Variants in PRAM1 observed in about 807,000 individuals in gnomAD.
PRAM1 encodes the protein PML-RARA-regulated adapter molecule 1.
PRAM1 carries 41 observed loss-of-function variants against 55.3 expected under a neutral mutation model. That is an observed-to-expected ratio of 0.74 (90% CI 0.58 to 0.96). PRAM1 has a LOEUF of 0.96. PRAM1 is among the 40% of genes least tolerant of loss of function. The pLI is 0.00. For synonymous variants in PRAM1, 401 were observed against 387.1 expected (o/e 1.04, Z -0.42); for missense variants, 898 against 892.7 (o/e 1.01, Z -0.08).
chr19:8,501,905 G>A (rs1568319291), intron 1 of PRAM1, among the ~76,000 whole-genome samples: 1 of 152,184 alleles, frequency 6.6e-6, no homozygotes, highest in Admixed American at 6.5e-5. Context: ...CACAGAGGTA[G>A]GCAGATTCAC....
rs758689759 is a variant in PRAM1, at chr19:8,498,571, C to CGG, written c.1236_1237insCC (p.Ala413ProfsTer66). 26 of 1,611,946 alleles carry CGG rather than the reference C, an allele frequency of 1.6e-5. No homozygotes were observed. In the South Asian group the frequency reaches 2.9e-4, roughly 18 times the overall value. On this transcript the variant is annotated frameshift_variant, in exon 2 of 10. Coordinates refer to ENST00000423345, the MANE Select transcript of PRAM1 (RefSeq NM_032152.5). LOFTEE classifies it high-confidence loss of function. ...CCTGACCTCCAGCGGGGTGTCCCAGCCGCTCCAAACCCAGGGCTGAGCGGG... is the reference window on the plus strand; with the variant it reads ...CCTGACCTCCAGCGGGGTGTCCCAGCGGCGCTCCAAACCCAGGGCTGAGCGGG...
chr19:8,495,229 A>G (rs1971682347), intron 4 of PRAM1, among the ~76,000 whole-genome samples: 1 of 151,842 alleles, frequency 6.6e-6, no homozygotes, highest in African/African-American at 2.4e-5. Context: ...CTTCTCTAGT[A>G]GCTGGGACTA....
In PRAM1 at chr19:8,493,857, G is replaced by A. The variant is rs956457470; in HGVS notation, c.1577-2700C>T. ...CTGTTGCCCAGGCTGGAGTGCAGAGGTGCAATCTCGGCTCATTGCAGCCTC... is the reference window on the plus strand; with the variant it reads ...CTGTTGCCCAGGCTGGAGTGCAGAGATGCAATCTCGGCTCATTGCAGCCTC... On this transcript the variant is annotated intron_variant, in intron 4 of 9. Coordinates refer to ENST00000423345, the MANE Select transcript of PRAM1 (RefSeq NM_032152.5). This position sits in a 1 kb window ranked among gnomAD's most constrained non-coding sequence, Gnocchi z 4.1. 1.6e-4 allele frequency among the ~76,000 whole-genome samples: 24 copies of A among 152,064 alleles called. No homozygotes were observed. Among genetic ancestry groups the A allele is most frequent in the African/African-American group, 5.8e-4 (24 of 41,412 alleles).
chr19:8,490,567 CG>C lies in PRAM1; in HGVS notation c.1906+26del. 6.3e-7 allele frequency: 1 copy of C among 1,592,872 alleles called. No homozygotes were observed. The highest frequency in any genetic ancestry group is 8.5e-7 in the Non-Finnish European group (1 of 1,170,062). ...GCCCAGGGTGGCGGCGGGGACCTCCCGGGGCTGCGGGGCCGGGCGCACTCAC... is the reference window on the plus strand; with the variant it reads ...GCCCAGGGTGGCGGCGGGGACCTCCCGGGCTGCGGGGCCGGGCGCACTCAC... On this transcript the variant is annotated intron_variant, in intron 7 of 9. Coordinates refer to ENST00000423345, the MANE Select transcript of PRAM1 (RefSeq NM_032152.5). This position sits in a 1 kb window ranked among gnomAD's most constrained non-coding sequence, Gnocchi z 7.3.
chr19:8,494,843 G>T (rs1475975839), intron 4 of PRAM1, among the ~76,000 whole-genome samples: 1 of 151,852 alleles, frequency 6.6e-6, no homozygotes, highest in Non-Finnish European at 1.5e-5. Context: ...ATGTTGGCCA[G>T]GCTGGTCTTG....
intron 4 of PRAM1, among the ~76,000 whole-genome samples, chr19:8,496,379 A>T (rs546639231): frequency 6.6e-6 from 1 of 151,888 alleles, no homozygotes; most frequent in South Asian, 2.1e-4. Flanking sequence ...GCACCACTAC[A>T]CTCCAGCCTG....
intron 5 of PRAM1, 49 bp from the exon 6 acceptor site, chr19:8,491,044 CTCT>C: frequency 6.2e-7 from 1 of 1,612,304 alleles, no homozygotes; most frequent in Non-Finnish European, 8.5e-7. Context: ...AGTTGTGCTC[CTCT>C]GGGGGTTCCT....
chr19:8,497,272 G>A (rs1460399046), intron 4 of PRAM1, among the ~76,000 whole-genome samples: 2 of 151,010 alleles, frequency 1.3e-5, no homozygotes, highest in Non-Finnish European at 2.9e-5. Flanking sequence ...TCGACCTCCT[G>A]GACTCAAGCA....
chr19:8,494,698 C>G (rs1393242464), intron 4 of PRAM1, among the ~76,000 whole-genome samples: 1 of 145,192 alleles, frequency 6.9e-6, no homozygotes, highest in African/African-American at 2.6e-5. Context: ...ATGGCAGGAT[C>G]TCAGCTTACT....
At chr19:8,496,640 G>C (rs917127864) in intron 4 of PRAM1, among the ~76,000 whole-genome samples, 1 of 152,104 alleles carries the variant, frequency 6.6e-6, no homozygotes, top group Non-Finnish European at 1.5e-5. Flanking sequence ...CAGGAGAATC[G>C]CTTGAACACG....
At position 8,497,532 on chromosome 19, in the gene PRAM1, T is replaced by G. The variant is rs533890064; in HGVS notation, c.1576+232A>C. ...CACTGCACCCGGCCTGATGCCTGCT[T>G]TTGATTACTGAATTCACCCACTGCT... On this transcript the variant is annotated intron_variant, in intron 4 of 9. Transcript: ENST00000423345. Among the ~76,000 whole-genome samples the G allele has an allele frequency of 2.0e-3, 303 of 152,194 alleles. 1 individual carries two copies. The highest frequency in any genetic ancestry group is 7.0e-3 in the African/African-American group (289 of 41,540).
In PRAM1 at chr19:8,499,254, G is replaced by C. The variant is rs1364427949; in HGVS notation, c.554C>G (p.Ser185Cys). The change falls in exon 2 of 10, where the codon TCC (serine) becomes TGC (cysteine). Residue 185 changes from serine to cysteine, a missense_variant. By Grantham distance (112) the Ser-to-Cys change is moderately radical. Around this residue, in one of 4 missense-constraint regions of PRAM1, gnomAD observed 787 missense variants for 735.4 expected, o/e 1.07. Transcript: ENST00000423345. ...CCAGAGCTTCCTGGGGAATGCGCCG[G>C]ATTTGGGTTCGGAGGGGGGTCTGGC... ...HPARPPSEPK[S>C]GAFPRKLWQP... 6.2e-7 allele frequency: 1 copy of C among 1,611,238 alleles called. No homozygotes were observed. Among genetic ancestry groups the C allele is most frequent in the Non-Finnish European group, 8.5e-7 (1 of 1,178,286 alleles).
Position 8,499,585 on chromosome 19 carries a change from C to T in PRAM1, c.223G>A (p.Glu75Lys). ...GAVSLKPPPP[E>K]VTDLPKKPPP... ...GGCTTCTTGGGGAGGTCAGTGACCT[C>T]AGGCGGCGGGGGCTTCAAGGACACT... Residue 75 changes from glutamate to lysine, a missense_variant, in exon 2 of 10, where the codon GAG becomes AAG. Coordinates refer to ENST00000423345, the MANE Select transcript of PRAM1 (RefSeq NM_032152.5). The T allele has an allele frequency of 1.2e-6, 1 of 835,544 alleles. No individual in the cohort carries two copies. Among genetic ancestry groups the T allele is most frequent in the Middle Eastern group, 3.0e-4 (1 of 3,290 alleles). The allele number at this position is 835,544 out of a possible 1,614,324, so 51.8% of individuals were successfully genotyped here. A position where few individuals can be genotyped will look rare whatever the true frequency, so the allele number is the denominator to read the frequency against.
intron 4 of PRAM1, among the ~76,000 whole-genome samples, chr19:8,495,690 T>C (rs1475991487): frequency 7.4e-6 from 1 of 134,246 alleles, no homozygotes; most frequent in Non-Finnish European, 1.6e-5. Flanking sequence ...GAGTGGAGGG[T>C]ACGGATTTAA....
chr19:8,492,665 G>A (rs1971646083), intron 4 of PRAM1, among the ~76,000 whole-genome samples: 1 of 152,152 alleles, frequency 6.6e-6, no homozygotes. Flanking sequence ...AGAAGAAATT[G>A]GGTGTTCCAT....
intron 4 of PRAM1, among the ~76,000 whole-genome samples, chr19:8,497,207 G>C (rs1293078250): frequency 2.2e-5 from 3 of 138,768 alleles, no homozygotes; most frequent in Non-Finnish European, 4.6e-5. Context: ...CAGGGTGTTT[G>C]CTGCCCAGGC....
In PRAM1 at chr19:8,493,220, G is replaced by C. The variant is rs904081870; in HGVS notation, c.1577-2063C>G. ...TGGTGAGTGAAAGATCCAGAACCCA[G>C]AGCCCCAGCATGTCCTTTCCGAATG... On this transcript the variant is annotated intron_variant, in intron 4 of 9. Transcript: ENST00000423345. The surrounding 1 kb of genome is among the most constrained non-coding windows in gnomAD (Gnocchi z 4.1). Among the ~76,000 whole-genome samples, 1 of 152,154 alleles carries C rather than the reference G, an allele frequency of 6.6e-6. No individual in the cohort carries two copies. The highest frequency in any genetic ancestry group is 1.5e-5 in the Non-Finnish European group (1 of 68,030).
rs753946241 is a variant in PRAM1 at position 8,490,495 on chromosome 19, T to A, written c.1921A>T (p.Arg641Ter). 2 of 1,612,258 alleles carry A rather than the reference T, an allele frequency of 1.2e-6. No individual in the cohort carries two copies. Among genetic ancestry groups the A allele is most frequent in the South Asian group, 2.2e-5 (2 of 90,836 alleles). Residue 641 changes from arginine to a stop codon, truncating the protein, a stop_gained, in exon 8 of 10, where the codon AGA (arginine) becomes TGA (stop). Coordinates refer to ENST00000423345, the MANE Select transcript of PRAM1 (RefSeq NM_032152.5). LOFTEE classifies it high-confidence loss of function. The surrounding 1 kb of genome is among the most constrained non-coding windows in gnomAD (Gnocchi z 7.3). The stretch of plus-strand genomic sequence containing the variant: ...ACTCACAGGGGCAGGAGCGCTGTTC[T>A]GGGCACGTAGCCATCTGTGGAGAGA... ...DPKGKYGYVP[R>*]TALLPLETEV...
Position 8,493,653 on chromosome 19 carries a change from C to T in PRAM1, c.1577-2496G>A, listed in dbSNP as rs1971659221. Among the ~76,000 whole-genome samples, 1 of 152,216 alleles carries T rather than the reference C, an allele frequency of 6.6e-6. No homozygotes were observed. The highest frequency in any genetic ancestry group is 1.5e-5 in the Non-Finnish European group (1 of 68,038). ...AGGAACCTCTGCAGTGGAGCTGCCA[C>T]TGCTCCAAGTAAGGCAGACAGTGGG... On this transcript the variant is annotated intron_variant, in intron 4 of 9. Coordinates refer to ENST00000423345, the MANE Select transcript of PRAM1 (RefSeq NM_032152.5). This position sits in a 1 kb window ranked among gnomAD's most constrained non-coding sequence, Gnocchi z 4.1.
Sources: gnomAD v4.1 joint callset for allele counts (sites outside exome capture counted in the v4.1 genomes callset) on GRCh38, gnomAD v4.1.1 for gene constraint, gnomAD v4.1.1 regional missense constraint, Gnocchi (gnomAD v3.1) non-coding constraint, MANE v1.5 for transcripts, NCBI Gene and HGNC (gene_info 2026-07-23, HGNC 2026-07-21) for gene names.